FER: variants seen among roughly 807,000 people sequenced by gnomAD.
The protein encoded by FER is FER tyrosine kinase.
In FER, 63 loss-of-function variants were observed where a neutral mutation model predicts 111.0. The observed-to-expected ratio is 0.57, with a 90% CI of 0.46 to 0.70. The LOEUF (loss-of-function observed/expected upper bound fraction) is 0.70, where lower values mean the gene tolerates loss of function less well. Ranked by LOEUF, FER falls within the 30% of genes least tolerant of loss-of-function variation. FER has a pLI of 0.00. For synonymous variants in FER, 327 were observed against 313.9 expected (o/e 1.04, Z -0.44); for missense variants, 914 against 954.0 (o/e 0.96, Z 0.55).
At chr5:108,781,338 C>T (rs1464889229) in intron 2 of FER, among the ~76,000 whole-genome samples, 1 of 152,038 alleles carries the variant, frequency 6.6e-6, no homozygotes, top group Admixed American at 6.6e-5. Flanking sequence ...TTACAGGCGC[C>T]TGCTTACCAC....
intron 17 of FER, among the ~76,000 whole-genome samples, chr5:109,162,975 A>G (rs1756149220): frequency 6.6e-6 from 1 of 152,028 alleles, no homozygotes; most frequent in Non-Finnish European, 1.5e-5. Context: ...CATCCCCAAA[A>G]GTTCCCTCAC....
intron 5 of FER, among the ~76,000 whole-genome samples, chr5:108,864,335 G>C (rs544179674): frequency 9.2e-5 from 14 of 152,244 alleles, no homozygotes; most frequent in African/African-American, 3.4e-4. Context: ...GAGGGATGAT[G>C]AGAAAGCAAG....
At chr5:108,972,411 CATG>C (rs1243368097) in intron 13 of FER, among the ~76,000 whole-genome samples, 11 of 152,156 alleles carry the variant, frequency 7.2e-5, no homozygotes, top group African/African-American at 1.4e-4. Flanking sequence ...GAACATCTCG[CATG>C]ATGATATTTT....
intron 10 of FER, among the ~76,000 whole-genome samples, chr5:108,932,318 C>T (rs573469514): frequency 6.6e-5 from 10 of 152,068 alleles, no homozygotes; most frequent in Admixed American, 5.2e-4. Context: ...GATGGTTTCC[C>T]GCTTCATCCA....
intron 17 of FER, among the ~76,000 whole-genome samples, chr5:109,173,571 T>C (rs370068389): frequency 5.3e-5 from 8 of 152,180 alleles, no homozygotes; most frequent in South Asian, 2.1e-4. Context: ...AGTGCCCAAA[T>C]TGACTATTCC....
At chr5:108,832,518 A>G (rs555730022) in intron 3 of FER, among the ~76,000 whole-genome samples, 1 of 152,322 alleles carries the variant, frequency 6.6e-6, no homozygotes. Flanking sequence ...GTGGACTCTT[A>G]AAGAGTCCCG....
At chr5:109,032,745 A>G (rs367896358) in intron 13 of FER, among the ~76,000 whole-genome samples, 18 of 152,332 alleles carry the variant, frequency 1.2e-4, no homozygotes, top group South Asian at 6.2e-4. Flanking sequence ...CAAAATCTTT[A>G]TATGTAGCCC....
At chr5:108,992,376 C>G (rs1245825466) in intron 13 of FER, among the ~76,000 whole-genome samples, 1 of 152,222 alleles carries the variant, frequency 6.6e-6, no homozygotes, top group Non-Finnish European at 1.5e-5. Context: ...GGCCCGTTCT[C>G]AATGAGCTGT....
intron 16 of FER, among the ~76,000 whole-genome samples, chr5:109,081,423 A>G (rs951482803): frequency 6.6e-5 from 10 of 152,036 alleles, no homozygotes; most frequent in Admixed American, 5.9e-4. Flanking sequence ...TTTCATTACG[A>G]TCTGAATTAG....
At chr5:108,822,698 AATTTT>A (rs1253606415) in intron 3 of FER, among the ~76,000 whole-genome samples, 4 of 139,776 alleles carry the variant, frequency 2.9e-5, no homozygotes, top group African/African-American at 7.6e-5. Context: ...TTGGGGATCA[AATTTT>A]ATTTTATTTA....
intron 5 of FER, among the ~76,000 whole-genome samples, chr5:108,839,708 G>C (rs2150150605): frequency 6.6e-6 from 1 of 151,248 alleles, no homozygotes; most frequent in South Asian, 2.1e-4. Flanking sequence ...CTCTGGAGTA[G>C]CTGGGACTAC....
intron 17 of FER, among the ~76,000 whole-genome samples, chr5:109,138,143 G>A (rs1386471591): frequency 6.6e-6 from 1 of 152,122 alleles, no homozygotes; most frequent in Non-Finnish European, 1.5e-5. Context: ...AAAGGAGGGT[G>A]GGAGAAAGAG....
Position 109,052,597 on chromosome 5 carries a change from T to G in FER, c.1924+5399T>G, listed in dbSNP as rs1691337413. 4 of 584,522 alleles carry G rather than the reference T, an allele frequency of 6.8e-6. No homozygotes were observed. The South Asian group carries it at 8.9e-5, about 13-fold the overall frequency. The allele number at this position is 584,522 out of a possible 1,614,324, so 36.2% of individuals were successfully genotyped here. A position where few individuals can be genotyped will look rare whatever the true frequency, so the allele number is the denominator to read the frequency against. ...TTAAAGTTTAAAACTCCGCTGCTGT[T>G]TGTTACTTTCCTCACACCTTCCCCC... On this transcript the variant is annotated intron_variant, in intron 16 of 19. Coordinates refer to ENST00000281092, the MANE Select transcript of FER (RefSeq NM_005246.4).
intron 13 of FER, among the ~76,000 whole-genome samples, chr5:108,964,619 ATAAT>A (rs1193133925): frequency 2.0e-5 from 3 of 152,210 alleles, no homozygotes; most frequent in Non-Finnish European, 4.4e-5. Flanking sequence ...GATTAATTTA[ATAAT>A]TAATACATAT....
chr5:109,195,406 T>C lies in FER; in HGVS notation c.*7831T>C, dbSNP rs932596339. On this transcript the variant is annotated 3_prime_UTR_variant, in exon 20 of 20. Transcript: ENST00000281092. Reference sequence around the variant, plus strand: ...TCTCATACCTGCAGTGTACAGAATATGTACATGTTCCAATGGAATTCACTA... The same window carrying C: ...TCTCATACCTGCAGTGTACAGAATACGTACATGTTCCAATGGAATTCACTA... The C allele has an allele frequency of 1.3e-5, 2 of 152,184 alleles. No individual in the cohort carries two copies. Among genetic ancestry groups the C allele is most frequent in the African/African-American group, 4.8e-5 (2 of 41,446 alleles). The allele number at this position is 152,184 out of a possible 1,614,324, so 9.4% of individuals were successfully genotyped here.
chr5:108,938,360 G>A (rs1755804235), intron 10 of FER, among the ~76,000 whole-genome samples: 1 of 152,004 alleles, frequency 6.6e-6, no homozygotes, highest in Admixed American at 6.6e-5. Flanking sequence ...GAAAAAAGTT[G>A]TTTTAGACAT....
intron 16 of FER, among the ~76,000 whole-genome samples, chr5:109,079,574 C>T (rs1245991720): frequency 6.6e-6 from 1 of 152,056 alleles, no homozygotes; most frequent in Non-Finnish European, 1.5e-5. Context: ...AATAAAATAT[C>T]TTCCCCTGTA....
chr5:108,844,123 T>TGTGTGTGAACATATATGTGTGTGAACAC (rs1761616393), intron 5 of FER, among the ~76,000 whole-genome samples: 1 of 134,852 alleles, frequency 7.4e-6, no homozygotes, highest in African/African-American at 2.8e-5. Context: ...TGTGAACACA[T>TGTGTGTGAACATATATGTGTGTGAACAC]ATATGTGTGT....
At chr5:108,772,387 A>G (rs747811680) in intron 2 of FER, among the ~76,000 whole-genome samples, 1 of 111,880 alleles carries the variant, frequency 8.9e-6, no homozygotes, top group South Asian at 2.7e-4. Flanking sequence ...AGCAGGTTTC[A>G]TGTATTGCAT....
Sources: allele counts gnomAD v4.1 joint callset (sites outside exome capture counted in the v4.1 genomes callset), GRCh38; gene constraint gnomAD v4.1.1; transcripts MANE v1.5; gene names NCBI Gene and HGNC (gene_info 2026-07-23, HGNC 2026-07-21).